Variants in FAAH2 observed in about 807,000 individuals in gnomAD.
The protein encoded by FAAH2 is fatty acid amide hydrolase 2.
FAAH2 carries 60 observed loss-of-function variants against 36.9 expected under a neutral mutation model. That is an observed-to-expected ratio of 1.63 (90% CI 1.32 to 2.02). The LOEUF is 2.02. FAAH2 is among the 30% of genes most tolerant of loss of function. The pLI, the probability that FAAH2 is intolerant of heterozygous loss-of-function variation, is 0.00. For synonymous variants in FAAH2, 214 were observed against 143.8 expected (o/e 1.49, Z -3.49); for missense variants, 689 against 397.5 (o/e 1.73, Z -6.23).
At chrX:57,356,739 T>C (rs1480939118) in intron 5 of FAAH2, among the ~76,000 whole-genome samples, 4 of 110,955 alleles carry the variant, frequency 3.6e-5, no homozygotes, top group Non-Finnish European at 7.6e-5. Context: ...TTTTTTAACT[T>C]ACTAAATTCT....
At chrX:57,425,778 A>G (rs1408109013) in intron 7 of FAAH2, among the ~76,000 whole-genome samples, 3 of 111,517 alleles carry the variant, frequency 2.7e-5, no homozygotes, top group Non-Finnish European at 3.8e-5. Context: ...TAAAACTCAC[A>G]GGCCAAAGAA....
chrX:57,339,592 G>C (rs970152240), intron 4 of FAAH2, among the ~76,000 whole-genome samples: 1 of 111,678 alleles, frequency 9.0e-6, no homozygotes, highest in Non-Finnish European at 1.9e-5. Flanking sequence ...GTAGGCAAAG[G>C]ACATGACCAG....
At chrX:57,216,597 T>TATAC in the FAAH2 span, among the ~76,000 whole-genome samples, 559 of 12,253 alleles carry the variant, frequency 0.046, 81 homozygotes, top group African/African-American at 0.089. Flanking sequence ...TGTATATATA[T>TATAC]GTATATATAT....
intron 8 of FAAH2, among the ~76,000 whole-genome samples, chrX:57,438,543 T>C (rs1397234065): frequency 9.0e-6 from 1 of 110,656 alleles, no homozygotes; most frequent in African/African-American, 3.3e-5. Flanking sequence ...TTTCCTATCA[T>C]AACATCAGTG....
chrX:57,175,268 T>C, the FAAH2 span, among the ~76,000 whole-genome samples: 2 of 111,838 alleles, frequency 1.8e-5, no homozygotes, highest in East Asian at 5.6e-4. Context: ...GTTAGGTGCA[T>C]ATATAATTAG....
intron 3 of FAAH2, among the ~76,000 whole-genome samples, chrX:57,328,843 C>T (rs2053306876): frequency 9.0e-6 from 1 of 111,547 alleles, no homozygotes; most frequent in Non-Finnish European, 1.9e-5. Context: ...CAGCTCAGTA[C>T]TCCTGGATTG....
intron 5 of FAAH2, among the ~76,000 whole-genome samples, chrX:57,360,172 T>C (rs918873096): frequency 7.2e-5 from 8 of 110,421 alleles, no homozygotes; most frequent in Non-Finnish European, 1.3e-4. Context: ...TGAGTCTGCT[T>C]GGGTTTATCT....
chrX:57,378,778 G>A lies in FAAH2; in HGVS notation c.870G>A (p.Gly290=). Residue 290 remains glycine (G), a synonymous_variant, in exon 6 of 11, where the codon GGG becomes GGA. Coordinates refer to ENST00000374900, the MANE Select transcript of FAAH2 (RefSeq NM_174912.4). ...TGTTGAAGGTCATGGCAGGACCTGG[G>A]ATCAAAAGGTATGTTCATTTATTTT... ...APMLKVMAGP[G]IKRLKLDTKV... 1 of 1,207,156 alleles carries A rather than the reference G, an allele frequency of 8.3e-7. No individual in the cohort carries two copies. The highest frequency in any genetic ancestry group is 1.1e-6 in the Non-Finnish European group (1 of 893,064).
the FAAH2 span, among the ~76,000 whole-genome samples, chrX:57,150,469 G>A: frequency 8.9e-6 from 1 of 112,174 alleles, no homozygotes; most frequent in African/African-American, 3.2e-5. Flanking sequence ...ATGTATTTAG[G>A]ATAGTTAGCT....
intron 10 of FAAH2, among the ~76,000 whole-genome samples, chrX:57,465,735 A>C (rs902950002): frequency 1.3e-4 from 14 of 111,560 alleles, no homozygotes; most frequent in Admixed American, 1.1e-3. Flanking sequence ...ATTCAAAGTC[A>C]TATGAAAAAT....
At chrX:57,243,766 T>C in the FAAH2 span, among the ~76,000 whole-genome samples, 1 of 110,200 alleles carries the variant, frequency 9.1e-6, no homozygotes, top group South Asian at 3.9e-4. Flanking sequence ...AGACCAAAGG[T>C]AGACAAATCT....
At chrX:57,262,760 C>T in the FAAH2 span, among the ~76,000 whole-genome samples, 7 of 111,468 alleles carry the variant, frequency 6.3e-5, no homozygotes, top group Non-Finnish European at 1.3e-4. Flanking sequence ...AATAATTATA[C>T]ACTATGACCA....
chrX:57,239,766 A>C, the FAAH2 span, among the ~76,000 whole-genome samples: 2 of 111,365 alleles, frequency 1.8e-5, no homozygotes, highest in Admixed American at 1.9e-4. Flanking sequence ...GATAGAGTTG[A>C]TTTGAAGAAC....
At chrX:57,238,754 G>A in the FAAH2 span, among the ~76,000 whole-genome samples, 1 of 111,944 alleles carries the variant, frequency 8.9e-6, no homozygotes, top group Non-Finnish European at 1.9e-5. Context: ...CAACTATTGA[G>A]TATAGTACCT....
chrX:57,137,640 C>A, the FAAH2 span: 2 of 111,765 alleles, frequency 1.8e-5, no homozygotes. Flanking sequence ...TCCCTTTCCA[C>A]AATTCACAAC....
the FAAH2 span, among the ~76,000 whole-genome samples, chrX:57,181,240 G>C: frequency 9.0e-6 from 1 of 110,731 alleles, no homozygotes; most frequent in Non-Finnish European, 1.9e-5. Flanking sequence ...CCTGGCCAGA[G>C]CAATCAGGCA....
At chrX:57,393,134 C>T in intron 7 of FAAH2, 1 of 1,052,891 alleles carries the variant, frequency 9.5e-7, no homozygotes. Flanking sequence ...GGAAAGGCAG[C>T]CGATGAGGTC....
intron 7 of FAAH2, among the ~76,000 whole-genome samples, chrX:57,419,116 A>G (rs2055933743): frequency 9.2e-6 from 1 of 108,582 alleles, no homozygotes; most frequent in Admixed American, 9.9e-5. Flanking sequence ...CCAGTCTATC[A>G]TTGTTGGACA....
chrX:57,187,808 C>T, the FAAH2 span, among the ~76,000 whole-genome samples: 1 of 111,279 alleles, frequency 9.0e-6, no homozygotes, highest in African/African-American at 3.3e-5. Context: ...GTCTTTTCTG[C>T]ATCTATTGAG....
Sources: allele counts gnomAD v4.1 joint callset (sites outside exome capture counted in the v4.1 genomes callset), GRCh38; gene constraint gnomAD v4.1.1; transcripts MANE v1.5; gene names NCBI Gene and HGNC (gene_info 2026-07-23, HGNC 2026-07-21).